The following CACNG2 variants were observed in gnomAD, a reference collection of about 807,000 sequenced individuals.
The protein encoded by CACNG2 is voltage-dependent calcium channel gamma-2 subunit.
CACNG2 carries 3 observed loss-of-function variants against 25.9 expected under a neutral mutation model. The ratio of observed to expected loss-of-function variants is 0.12; its 90% CI spans 0.05 to 0.30. CACNG2 has a LOEUF of 0.30. CACNG2 is among the 10% of genes least tolerant of loss of function. The pLI is 1.00. For missense variants in CACNG2, 341 were observed against 432.5 expected, an observed-to-expected ratio of 0.79 and a Z score of 1.88; for synonymous variants, 167 against 173.3, an observed-to-expected ratio of 0.96 and a Z score of 0.29.
intron 1 of CACNG2, among the ~76,000 whole-genome samples, chr22:36,627,270 G>A (rs562767883): frequency 6.8e-6 from 1 of 147,486 alleles, no homozygotes; most frequent in Non-Finnish European, 1.5e-5. Context: ...AAGTGGATGA[G>A]AGTGGGGACG....
At chr22:36,679,979 T>C (rs1461978447) in intron 1 of CACNG2, among the ~76,000 whole-genome samples, 1 of 151,682 alleles carries the variant, frequency 6.6e-6, no homozygotes, top group African/African-American at 2.4e-5. Context: ...ATCATTATCA[T>C]CACCATCACC....
intron 2 of CACNG2, among the ~76,000 whole-genome samples, chr22:36,579,643 C>G (rs1053106438): frequency 6.6e-6 from 1 of 152,086 alleles, no homozygotes. Flanking sequence ...GGTCTCATCT[C>G]AGAGGAAAGC....
chr22:36,693,775 G>T (rs1307928279), intron 1 of CACNG2, among the ~76,000 whole-genome samples: 2 of 152,068 alleles, frequency 1.3e-5, no homozygotes, highest in Admixed American at 6.6e-5. Context: ...TCCTTAGCTT[G>T]CTCACCCATA....
At position 36,606,245 on chromosome 22, in the gene CACNG2, C is replaced by T. The variant is rs369960194; in HGVS notation, c.212-18697G>A. Among the ~76,000 whole-genome samples the T allele has an allele frequency of 1.4e-4, 22 of 152,310 alleles. No homozygotes were observed. In the East Asian group the frequency reaches 1.5e-3, roughly 11 times the overall value. ...ACCCTAGACAAATAATTAATGCAGACGACCCAGAATGAAACCACAAGGGCA... is the reference window on the plus strand; with the variant it reads ...ACCCTAGACAAATAATTAATGCAGATGACCCAGAATGAAACCACAAGGGCA... On this transcript the variant is annotated intron_variant, in intron 1 of 3. Coordinates refer to ENST00000300105, the MANE Select transcript of CACNG2 (RefSeq NM_006078.5). This position sits in a 1 kb window ranked among gnomAD's most constrained non-coding sequence, Gnocchi z 5.7.
intron 2 of CACNG2, among the ~76,000 whole-genome samples, chr22:36,576,051 A>T (rs1935307021): frequency 6.6e-6 from 1 of 152,214 alleles, no homozygotes; most frequent in African/African-American, 2.4e-5. Flanking sequence ...GGCCGTGAGA[A>T]GGGATGCGTT....
intron 1 of CACNG2, among the ~76,000 whole-genome samples, chr22:36,629,175 G>C (rs1936229878): frequency 6.6e-6 from 1 of 152,244 alleles, no homozygotes; most frequent in South Asian, 2.1e-4. Context: ...GATTGAGTGA[G>C]TTGGGTAAGA....
intron 1 of CACNG2, among the ~76,000 whole-genome samples, chr22:36,698,196 T>C (rs1937365463): frequency 6.6e-6 from 1 of 152,006 alleles, no homozygotes; most frequent in Non-Finnish European, 1.5e-5. Context: ...TCCTCCCTCT[T>C]TCTCTCTCTC....
At position 36,661,966 on chromosome 22, in the gene CACNG2, C is replaced by CTTTTTTTTTTTTT. The variant is rs71193254; in HGVS notation, c.211+40387_211+40399dup. Among the ~76,000 whole-genome samples the CTTTTTTTTTTTTT allele has an allele frequency of 1.8e-4, 8 of 44,540 alleles. 2 individuals carry two copies. The highest frequency in any genetic ancestry group is 5.2e-4 in the Non-Finnish European group (8 of 15,318). 29.2% of individuals were successfully genotyped at this position (44,540 alleles called of 152,430 possible). On this transcript the variant is annotated intron_variant, in intron 1 of 3. Coordinates refer to ENST00000300105, the MANE Select transcript of CACNG2 (RefSeq NM_006078.5). ...TGCTTCCTATGGACTCATTGCTATT[C>CTTTTTTTTTTTTT]TTTTTTTTTTTTTTTTTTTTTTTTT...
intron 1 of CACNG2, among the ~76,000 whole-genome samples, chr22:36,604,302 A>G (rs1935799525): frequency 6.6e-6 from 1 of 152,224 alleles, no homozygotes; most frequent in South Asian, 2.1e-4. Context: ...TAAGCAAAGA[A>G]AGTGGTTTCC....
intron 1 of CACNG2, among the ~76,000 whole-genome samples, chr22:36,660,427 G>T (rs957171289): frequency 2.6e-5 from 4 of 152,250 alleles, no homozygotes; most frequent in Non-Finnish European, 5.9e-5. Flanking sequence ...TTTTCCTTCC[G>T]ATGCTGCTTT....
At position 36,587,490 on chromosome 22, in the gene CACNG2, T is replaced by C; in HGVS notation, c.270A>G (p.Glu90=). 1 of 1,613,586 alleles carries C rather than the reference T, an allele frequency of 6.2e-7. No individual in the cohort carries two copies. The highest frequency in any genetic ancestry group is 2.2e-5 in the East Asian group (1 of 44,880). The stretch of plus-strand genomic sequence containing the variant: ...GGAGGAAATATTCTGCTGTGTCAGC[T>C]TCGTAATCTGCATCCTCTGGGAAGT... The part of the protein sequence containing the change: ...IDHFPEDADY[E]ADTAEYFLRA... The change falls in exon 2 of 4, where the codon GAA becomes GAG. Residue 90 remains glutamate, a synonymous_variant. Transcript: ENST00000300105.
In CACNG2 at chr22:36,636,864, C is replaced by T. The variant is rs184911009; in HGVS notation, c.212-49316G>A. On this transcript the variant is annotated intron_variant, in intron 1 of 3. Transcript: ENST00000300105. ...ACGTGGCTAAAATACTTGGAAATCTCAGGCCTTGCTTGTAATGCAGAGAAG... is the reference window on the plus strand; with the variant it reads ...ACGTGGCTAAAATACTTGGAAATCTTAGGCCTTGCTTGTAATGCAGAGAAG... Among the ~76,000 whole-genome samples the T allele has an allele frequency of 2.1e-3, 317 of 152,348 alleles. 1 individual carries two copies. The highest frequency in any genetic ancestry group is 7.4e-3 in the African/African-American group (309 of 41,570).
chr22:36,646,618 C>A (rs1936528009), intron 1 of CACNG2, among the ~76,000 whole-genome samples: 1 of 152,138 alleles, frequency 6.6e-6, no homozygotes, highest in East Asian at 1.9e-4. Context: ...GGAATAACAG[C>A]CATTTTCTTA....
chr22:36,646,461 G>A (rs563076649), intron 1 of CACNG2, among the ~76,000 whole-genome samples: 8 of 152,222 alleles, frequency 5.3e-5, no homozygotes, highest in African/African-American at 1.9e-4. Context: ...CCTCAGCCAA[G>A]TTTTATCTAT....
At chr22:36,699,237 T>TCA (rs3076293) in intron 1 of CACNG2, among the ~76,000 whole-genome samples, 7,941 of 141,812 alleles carry the variant, frequency 0.056, 249 homozygotes, top group East Asian at 0.13. Context: ...GATTTCAAGT[T>TCA]CACACACACA....
intron 2 of CACNG2, among the ~76,000 whole-genome samples, chr22:36,578,950 GA>G (rs1296728825): frequency 6.6e-6 from 1 of 152,112 alleles, no homozygotes. Flanking sequence ...AAACCAAGAT[GA>G]AACAGACCGG....
At chr22:36,627,903 T>C (rs1936207955) in intron 1 of CACNG2, among the ~76,000 whole-genome samples, 1 of 151,952 alleles carries the variant, frequency 6.6e-6, no homozygotes, top group South Asian at 2.1e-4. Context: ...TAACAAAATA[T>C]GATTATGTTT....
At chr22:36,600,674 G>A (rs549294556) in intron 1 of CACNG2, among the ~76,000 whole-genome samples, 10 of 152,018 alleles carry the variant, frequency 6.6e-5, no homozygotes, top group African/African-American at 2.2e-4. Context: ...AGCCTCCTGA[G>A]TAGTTGGAAT....
intron 1 of CACNG2, among the ~76,000 whole-genome samples, chr22:36,650,449 T>C (rs1053813872): frequency 6.6e-6 from 1 of 152,054 alleles, no homozygotes; most frequent in Non-Finnish European, 1.5e-5. Flanking sequence ...CAGCTCACTG[T>C]AGCCTCGACC....
Sources: gnomAD v4.1 joint callset for allele counts (sites outside exome capture counted in the v4.1 genomes callset) on GRCh38, gnomAD v4.1.1 for gene constraint, Gnocchi (gnomAD v3.1) non-coding constraint, MANE v1.5 for transcripts, NCBI Gene and HGNC (gene_info 2026-07-23, HGNC 2026-07-21) for gene names.